Variants in FAM167A observed in about 807,000 individuals in gnomAD.
FAM167A encodes the protein family with sequence similarity 167 member A, also known as protein FAM167A.
In FAM167A, 23 loss-of-function variants were observed where a neutral mutation model predicts 14.9. The ratio of observed to expected loss-of-function variants is 1.55; its 90% CI spans 1.11 to 2.19. FAM167A has a LOEUF of 2.19. Among genes scored for constraint, FAM167A ranks in the 30% most tolerant of loss-of-function variants. FAM167A has a pLI of 0.00. For synonymous variants in FAM167A, 174 were observed against 117.7 expected (o/e 1.48, Z -3.10); for missense variants, 401 against 281.5 (o/e 1.42, Z -3.04).
At chr8:11,455,117 G>T (rs1807180636) in intron 1 of FAM167A, among the ~76,000 whole-genome samples, 1 of 151,984 alleles carries the variant, frequency 6.6e-6, no homozygotes, top group South Asian at 2.1e-4. Context: ...GCAGGGATGG[G>T]TTGCTGGGAT....
intron 1 of FAM167A, among the ~76,000 whole-genome samples, chr8:11,473,282 G>T (rs1808017513): frequency 6.6e-6 from 1 of 152,176 alleles, no homozygotes; most frequent in African/African-American, 2.4e-5. Context: ...ATGAACACTG[G>T]TGTGGGGGGA....
intron 1 of FAM167A, among the ~76,000 whole-genome samples, chr8:11,452,714 C>T (rs1807073282): frequency 6.6e-6 from 1 of 152,228 alleles, no homozygotes; most frequent in Non-Finnish European, 1.5e-5. Context: ...AACCGAAGCC[C>T]AAGCTCCCAT....
chr8:11,444,587 G>A lies in FAM167A; in HGVS notation c.-176C>T, dbSNP rs1452114379. The A allele has an allele frequency of 1.4e-6, 2 of 1,425,750 alleles. No homozygotes were observed. The highest frequency in any genetic ancestry group is 1.5e-5 in the South Asian group (1 of 65,782). The allele number at this position is 1,425,750 out of a possible 1,614,324, so 88.3% of individuals were successfully genotyped here. ...TGGCAGGGGAGCTGAGAGGGACCGC[G>A]CAGTGAGCCGCACAGGGCGCCCTCC... On this transcript the variant is annotated 5_prime_UTR_variant, in exon 2 of 3. Coordinates refer to ENST00000284486, the MANE Select transcript of FAM167A (RefSeq NM_053279.3).
At chr8:11,440,745 C>A (rs1806386701) in intron 2 of FAM167A, among the ~76,000 whole-genome samples, 1 of 152,246 alleles carries the variant, frequency 6.6e-6, no homozygotes, top group African/African-American at 2.4e-5. Flanking sequence ...AACACATTTG[C>A]ACTTGAGCCT....
At chr8:11,470,205 G>A (rs186289569), upstream of FAM167A, among the ~76,000 whole-genome samples, 389 of 152,328 alleles carry the variant, frequency 2.6e-3, no homozygotes, top group Non-Finnish European at 4.1e-3. Flanking sequence ...CAGAGGAGGG[G>A]AAGAGTGTGC....
At chr8:11,438,195 A>G (rs1305460072) in intron 2 of FAM167A, 1 of 451,750 alleles carries the variant, frequency 2.2e-6, no homozygotes, top group Non-Finnish European at 4.5e-6. Context: ...CGGAATCGCC[A>G]TGAGCTGCTA....
chr8:11,463,240 A>G (rs1283619506), intron 1 of FAM167A, among the ~76,000 whole-genome samples: 1 of 152,198 alleles, frequency 6.6e-6, no homozygotes, highest in East Asian at 1.9e-4. Context: ...ACACAACCAA[A>G]TTTGGGAAGT....
chr8:11,444,135 G>T lies in FAM167A; in HGVS notation c.277C>A (p.Pro93Thr), dbSNP rs1585258163. ...CCTTGGCTGGCACTCCTGGCAGAAG[G>T]GGGGTGCTGCCCAGCCTCTCTCAGG... is the stretch of plus-strand genomic sequence containing the variant. ...LPLREAGQHP[P>T]SARSASQGAR... The change falls in exon 2 of 3, where the codon CCT (proline) becomes ACT (threonine). Residue 93 changes from proline to threonine, a missense_variant. Transcript: ENST00000284486. 1.2e-6 allele frequency: 2 copies of T among 1,613,234 alleles called. No homozygotes were observed. The highest frequency in any genetic ancestry group is 1.1e-5 in the South Asian group (1 of 91,070).
intron 1 of FAM167A, among the ~76,000 whole-genome samples, chr8:11,473,972 C>A (rs1299770886): frequency 6.6e-6 from 1 of 151,994 alleles, no homozygotes; most frequent in East Asian, 1.9e-4. Flanking sequence ...CTCCTGGGTT[C>A]AAGCGATTTT....
At chr8:11,440,750 G>C (rs776425075) in intron 2 of FAM167A, among the ~76,000 whole-genome samples, 2 of 152,234 alleles carry the variant, frequency 1.3e-5, no homozygotes, top group Non-Finnish European at 2.9e-5. Flanking sequence ...ATTTGCACTT[G>C]AGCCTAACAA....
chr8:11,429,347 G>A (rs1001148472), intron 2 of FAM167A, among the ~76,000 whole-genome samples: 1 of 152,234 alleles, frequency 6.6e-6, no homozygotes, highest in Non-Finnish European at 1.5e-5. Context: ...TGTGGAGTTA[G>A]TCGGGAGGAC....
At chr8:11,469,991 C>A (rs368606305), upstream of FAM167A, among the ~76,000 whole-genome samples, 2 of 152,156 alleles carry the variant, frequency 1.3e-5, no homozygotes, top group Non-Finnish European at 2.9e-5. Flanking sequence ...TCAATAAATA[C>A]GTATTAGTAC....
rs772753147 is a variant in FAM167A, at chr8:11,444,235, G to T, written c.177C>A (p.Pro59=). ...GTGGCTCCGCAGCCGGCCTCGGGAA[G>T]GGCCAGGTATGCTCCTCCAGCCTGG... The part of the protein sequence containing the change: ...WQARLEEHTW[P]FPRPAAEPQA... Residue 59 remains proline (P), a synonymous_variant, in exon 2 of 3, where the codon CCC becomes CCA. Transcript: ENST00000284486. The T allele has an allele frequency of 6.2e-7, 1 of 1,611,802 alleles. No individual in the cohort carries two copies. Among genetic ancestry groups the T allele is most frequent in the Non-Finnish European group, 8.5e-7 (1 of 1,179,736 alleles).
At chr8:11,458,759 T>C (rs567821693) in intron 1 of FAM167A, among the ~76,000 whole-genome samples, 22 of 151,174 alleles carry the variant, frequency 1.5e-4, no homozygotes, top group Admixed American at 9.9e-4. Flanking sequence ...AAAAAGGGAA[T>C]AAGCCTGAGG....
At chr8:11,438,781 C>A (rs375608753) in intron 2 of FAM167A, 1 of 336,012 alleles carries the variant, frequency 3.0e-6, no homozygotes. Flanking sequence ...CTGAAAGCAC[C>A]GGGCTATGCA....
upstream of FAM167A, among the ~76,000 whole-genome samples, chr8:11,471,841 A>G (rs1420607599): frequency 6.6e-6 from 1 of 151,866 alleles, no homozygotes; most frequent in African/African-American, 2.4e-5. Context: ...TTCCTGGTCT[A>G]TGGGGTTTGG....
chr8:11,455,697 G>T (rs76206476), intron 1 of FAM167A, among the ~76,000 whole-genome samples: 3 of 91,076 alleles, frequency 3.3e-5, no homozygotes, highest in African/African-American at 1.2e-4. Flanking sequence ...TGTGGGGGAT[G>T]GTTGCTCTGC....
Position 11,444,625 on chromosome 8 carries a change from T to TC in FAM167A, c.-215dup. 1 of 1,364,964 alleles carries TC rather than the reference T, an allele frequency of 7.3e-7. No homozygotes were observed. The highest frequency in any genetic ancestry group is 9.4e-7 in the Non-Finnish European group (1 of 1,064,840). 84.6% of individuals were successfully genotyped at this position (1,364,964 alleles called of 1,614,324 possible). Reference sequence around the variant, plus strand: ...CAGGGCGCCCTCCTGGAGGCTCGGGTCTATGATCCGTCCTGGAAGCCTGTG... The same window carrying TC: ...CAGGGCGCCCTCCTGGAGGCTCGGGTCCTATGATCCGTCCTGGAAGCCTGTG... On this transcript the variant is annotated 5_prime_UTR_variant, in exon 2 of 3. Coordinates refer to ENST00000284486, the MANE Select transcript of FAM167A (RefSeq NM_053279.3).
intron 1 of FAM167A, among the ~76,000 whole-genome samples, chr8:11,449,850 G>A (rs1806953410): frequency 1.3e-5 from 2 of 152,190 alleles, no homozygotes; most frequent in African/African-American, 4.8e-5. Flanking sequence ...TGCTGGAGGA[G>A]CCAGGTGGGG....
Sources: gnomAD v4.1 joint callset for allele counts (sites outside exome capture counted in the v4.1 genomes callset) on GRCh38, gnomAD v4.1.1 for gene constraint, MANE v1.5 for transcripts, NCBI Gene and HGNC (gene_info 2026-07-23, HGNC 2026-07-21) for gene names.